The following ARHGAP24 variants were observed in gnomAD, a reference collection of about 807,000 sequenced individuals.
ARHGAP24 encodes Rho GTPase activating protein 24.
A neutral mutation model predicts 76.4 loss-of-function variants in ARHGAP24; 50 were observed. The observed-to-expected ratio is 0.65, with a 90% CI of 0.52 to 0.83. The LOEUF (loss-of-function observed/expected upper bound fraction) is 0.83, where lower values mean the gene tolerates loss of function less well. ARHGAP24 is among the 40% of genes least tolerant of loss of function. The pLI is 0.00. For missense variants in ARHGAP24, 930 were observed against 914.2 expected, an observed-to-expected ratio of 1.02 and a Z score of -0.22; for synonymous variants, 345 against 323.3, an observed-to-expected ratio of 1.07 and a Z score of -0.72.
At chr4:85,850,396 C>A (rs1731156555) in intron 3 of ARHGAP24, among the ~76,000 whole-genome samples, 1 of 152,082 alleles carries the variant, frequency 6.6e-6, no homozygotes, top group Non-Finnish European at 1.5e-5. Context: ...TTTCAAAAAA[C>A]CAGTTCGTGG....
intron 2 of ARHGAP24, among the ~76,000 whole-genome samples, chr4:85,629,987 T>C (rs1721106009): frequency 6.6e-6 from 1 of 152,120 alleles, no homozygotes; most frequent in African/African-American, 2.4e-5. Flanking sequence ...TTGGTTCCAC[T>C]GATGATGATT....
chr4:85,795,343 T>G (rs6829822), intron 3 of ARHGAP24, among the ~76,000 whole-genome samples: 127,880 of 152,138 alleles, frequency 0.84, 53,848 homozygotes, highest in Middle Eastern at 0.88. Context: ...CCCTCTGGAA[T>G]GCAATATGGT....
At chr4:85,723,684 T>C (rs1474487144) in intron 3 of ARHGAP24, 1 of 152,218 alleles carries the variant, frequency 6.6e-6, no homozygotes, top group Non-Finnish European at 1.5e-5. Context: ...GGTTTTATAA[T>C]TCTAAATCAT....
intron 3 of ARHGAP24, among the ~76,000 whole-genome samples, chr4:85,765,848 A>G (rs145172912): frequency 2.9e-4 from 44 of 152,312 alleles, no homozygotes; most frequent in East Asian, 1.9e-3. Context: ...CATACAGCAC[A>G]GTTCTTTGGT....
intron 3 of ARHGAP24, among the ~76,000 whole-genome samples, chr4:85,725,450 C>T (rs1402281483): frequency 1.3e-5 from 2 of 152,192 alleles, no homozygotes; most frequent in Admixed American, 6.5e-5. Flanking sequence ...ACTCTAGTGG[C>T]AAAAGTGAAG....
chr4:85,877,287 G>C (rs1732990826), intron 3 of ARHGAP24, among the ~76,000 whole-genome samples: 1 of 152,098 alleles, frequency 6.6e-6, no homozygotes, highest in South Asian at 2.1e-4. Context: ...AATGGGTAGA[G>C]TTATTTATTT....
intron 2 of ARHGAP24, among the ~76,000 whole-genome samples, chr4:85,695,679 A>G (rs2110021486): frequency 6.6e-6 from 1 of 152,340 alleles, no homozygotes; most frequent in Admixed American, 6.5e-5. Flanking sequence ...ATGAGTTATA[A>G]TAGCAGGAAG....
intron 3 of ARHGAP24, among the ~76,000 whole-genome samples, chr4:85,790,876 T>C (rs1728087453): frequency 6.6e-6 from 1 of 152,240 alleles, no homozygotes; most frequent in Non-Finnish European, 1.5e-5. Flanking sequence ...AGTGTAGTCA[T>C]AGCCTTTTGT....
Position 85,707,451 on chromosome 4 carries a change from G to T in ARHGAP24, c.181-14434G>T, listed in dbSNP as rs149862367. Among the ~76,000 whole-genome samples, 641 of 152,120 alleles carry T rather than the reference G, an allele frequency of 4.2e-3. 1 individual carries two copies. Among genetic ancestry groups the T allele is most frequent in the Middle Eastern group, 6.8e-3 (2 of 294 alleles). On this transcript the variant is annotated intron_variant, in intron 2 of 9. Coordinates refer to ENST00000395184, the MANE Select transcript of ARHGAP24 (RefSeq NM_001025616.3). ...TTAACTTTTATTTTCACCGTGTCTA[G>T]CAAAATATTTCCAATAATATGCTCC...
At chr4:85,625,182 C>G (rs576034828) in intron 2 of ARHGAP24, among the ~76,000 whole-genome samples, 145 of 152,208 alleles carry the variant, frequency 9.5e-4, no homozygotes, top group African/African-American at 3.4e-3. Flanking sequence ...AGTTTTAGAT[C>G]TTTCCTGCTT....
At chr4:85,839,843 C>CTTTTTTTTTTTTTT (rs33974767) in intron 3 of ARHGAP24, among the ~76,000 whole-genome samples, 15 of 105,624 alleles carry the variant, frequency 1.4e-4, no homozygotes, top group East Asian at 2.8e-4. Context: ...TTTCTGTTTT[C>CTTTTTTTTTTTTTT]TTTTTTTTTT....
At chr4:85,952,100 C>A (rs1266603453) in intron 5 of ARHGAP24, among the ~76,000 whole-genome samples, 1 of 152,052 alleles carries the variant, frequency 6.6e-6, no homozygotes, top group African/African-American at 2.4e-5. Context: ...TTCGACACTC[C>A]AGAGAGCTCT....
intron 3 of ARHGAP24, among the ~76,000 whole-genome samples, chr4:85,877,498 A>C (rs1407819717): frequency 1.1e-5 from 1 of 91,688 alleles, no homozygotes; most frequent in Non-Finnish European, 2.3e-5. Context: ...AGTGACACAC[A>C]CTTGTAGTCC....
At chr4:85,987,225 C>T (rs1275582643) in intron 8 of ARHGAP24, among the ~76,000 whole-genome samples, 1 of 152,042 alleles carries the variant, frequency 6.6e-6, no homozygotes, top group Non-Finnish European at 1.5e-5. Context: ...TATATAGGAA[C>T]CGTCTGTACT....
rs1224116678 is a variant in ARHGAP24, at chr4:85,570,603, T to A, written c.62T>A (p.Ile21Asn). 1 of 1,614,090 alleles carries A rather than the reference T, an allele frequency of 6.2e-7. No homozygotes were observed. The highest frequency in any genetic ancestry group is 1.1e-5 in the South Asian group (1 of 91,076). ...PQQGQGRQNAIKCGWLRKQGG... is the reference protein window; with the variant it reads ...PQQGQGRQNANKCGWLRKQGG... The stretch of plus-strand genomic sequence containing the variant: ...CAAGGCCAAGGGCGGCAGAATGCCA[T>A]CAAGTGTGGGTGGCTGAGGAAGCAA... The change falls in exon 2 of 10, where the codon ATC becomes AAC. Residue 21 changes from isoleucine to asparagine, a missense_variant. By Grantham distance (149) the Ile-to-Asn change is moderately radical. Transcript: ENST00000395184.
chr4:85,727,258 A>C (rs1240508048), intron 3 of ARHGAP24, among the ~76,000 whole-genome samples: 2 of 152,074 alleles, frequency 1.3e-5, no homozygotes. Flanking sequence ...CTATTTTCTG[A>C]AATATGAGCA....
At chr4:85,814,596 AG>A (rs2110116619) in intron 3 of ARHGAP24, among the ~76,000 whole-genome samples, 1 of 152,282 alleles carries the variant, frequency 6.6e-6, no homozygotes, top group South Asian at 2.1e-4. Context: ...CTGATGTAAG[AG>A]GTAGGTTCCC....
chr4:85,881,177 A>G (rs1042114861), intron 3 of ARHGAP24, among the ~76,000 whole-genome samples: 1 of 152,166 alleles, frequency 6.6e-6, no homozygotes, highest in African/African-American at 2.4e-5. Context: ...TACAGCATGG[A>G]TACACTGGAC....
At chr4:85,485,676 T>C (rs1723022732) in intron 1 of ARHGAP24, among the ~76,000 whole-genome samples, 1 of 151,570 alleles carries the variant, frequency 6.6e-6, no homozygotes, top group Non-Finnish European at 1.5e-5. Flanking sequence ...TAAATTCTTT[T>C]TAAGGTTGTT....
Sources: allele counts gnomAD v4.1 joint callset (sites outside exome capture counted in the v4.1 genomes callset), GRCh38; gene constraint gnomAD v4.1.1; transcripts MANE v1.5; gene names NCBI Gene and HGNC (gene_info 2026-07-23, HGNC 2026-07-21).